Variants in EMILIN2 observed in about 807,000 individuals in gnomAD.
EMILIN2 encodes the protein elastin microfibril interfacer 2.
In EMILIN2, 71 loss-of-function variants were observed where a neutral mutation model predicts 87.1. The observed-to-expected ratio is 0.82, with a 90% CI of 0.67 to 0.99. The LOEUF (loss-of-function observed/expected upper bound fraction) is 0.99, where lower values mean the gene tolerates loss of function less well. Ranked by LOEUF, EMILIN2 falls within the 50% of genes least tolerant of loss-of-function variation. The pLI, the probability that EMILIN2 is intolerant of heterozygous loss-of-function variation, is 0.00. For synonymous variants in EMILIN2, 581 were observed against 563.4 expected (o/e 1.03, Z -0.44); for missense variants, 1,407 against 1,371.8 (o/e 1.03, Z -0.40).
intron 2 of EMILIN2, among the ~76,000 whole-genome samples, chr18:2,868,334 G>C (rs1285355330): frequency 6.6e-6 from 1 of 151,714 alleles, no homozygotes; most frequent in South Asian, 2.1e-4. Flanking sequence ...CAGGCAGAGG[G>C]GCTCCTCACA....
rs764870522 is a variant in EMILIN2 at position 2,847,038 on chromosome 18, G to A, written c.-151G>A. ...GAAGTAGGAACGAGAAGCCGGAGGG[G>A]GCGGCCGCGGAGCACTGGTTGGAGC... On this transcript the variant is annotated 5_prime_UTR_variant, in exon 1 of 8. Coordinates refer to ENST00000254528, the MANE Select transcript of EMILIN2 (RefSeq NM_032048.3). The surrounding 1 kb of genome is among the most constrained non-coding windows in gnomAD (Gnocchi z 4.5). The A allele has an allele frequency of 2.6e-5, 28 of 1,057,768 alleles. No individual in the cohort carries two copies. The highest frequency in any genetic ancestry group is 2.8e-5 in the Non-Finnish European group (24 of 871,214). 65.5% of individuals were successfully genotyped at this position (1,057,768 alleles called of 1,614,324 possible).
intron 2 of EMILIN2, among the ~76,000 whole-genome samples, chr18:2,857,896 G>T (rs748824445): frequency 6.6e-6 from 1 of 152,148 alleles, no homozygotes; most frequent in Non-Finnish European, 1.5e-5. Context: ...TGGGCAATGC[G>T]CCCTTTCCCA....
intron 2 of EMILIN2, among the ~76,000 whole-genome samples, chr18:2,854,487 A>AACACAC (rs141620167): frequency 0.012 from 1,876 of 151,786 alleles, 40 homozygotes; most frequent in African/African-American, 0.043. Context: ...TGTGGCTTAA[A>AACACAC]ACACACACAC....
intron 2 of EMILIN2, among the ~76,000 whole-genome samples, chr18:2,853,428 T>C (rs1429602610): frequency 1.3e-5 from 2 of 151,870 alleles, no homozygotes; most frequent in Non-Finnish European, 2.9e-5. Flanking sequence ...CATGGGCTGG[T>C]TTTAGGGACA....
At chr18:2,878,942 G>C (rs933884212) in intron 2 of EMILIN2, among the ~76,000 whole-genome samples, 45 of 152,278 alleles carry the variant, frequency 3.0e-4, no homozygotes, top group African/African-American at 1.0e-3. Flanking sequence ...AACGGGTTTT[G>C]GTTCTGTGCA....
chr18:2,904,008 G>A (rs553527783), intron 4 of EMILIN2, among the ~76,000 whole-genome samples: 2 of 152,316 alleles, frequency 1.3e-5, no homozygotes, highest in South Asian at 2.1e-4. Context: ...GAAAGGGTGC[G>A]TGAGAGATGG....
chr18:2,894,787 C>G lies in EMILIN2; in HGVS notation c.2359+2301C>G, dbSNP rs1336739597. ...CAGAGCCTCCTCTGCCCTTGTCTAG[C>G]ATCCAGGTCTAGGAGACCTGGAACC... On this transcript the variant is annotated intron_variant, in intron 4 of 7. Transcript: ENST00000254528. The surrounding 1 kb of genome is among the most constrained non-coding windows in gnomAD (Gnocchi z 5.0). Among the ~76,000 whole-genome samples, 1 of 152,186 alleles carries G rather than the reference C, an allele frequency of 6.6e-6. No individual in the cohort carries two copies. The highest frequency in any genetic ancestry group is 2.4e-5 in the African/African-American group (1 of 41,454).
In EMILIN2 at chr18:2,913,276, G is replaced by A. The variant is rs142429849; in HGVS notation, c.3034G>A (p.Val1012Met). 41 of 1,613,494 alleles carry A rather than the reference G, an allele frequency of 2.5e-5. 1 individual carries two copies. The highest frequency in any genetic ancestry group is 4.4e-5 in the South Asian group (4 of 91,066). ...CGGPGAFHLI[V>M]HLKAGDAVNV... is the part of the protein sequence containing the mutation. The stretch of plus-strand genomic sequence containing the variant: ...GGGCCCGGGGGCATTCCACCTCATC[G>A]TGCACCTGAAGGCGGGAGATGCAGT... Residue 1012 changes from valine to methionine, a missense_variant, in exon 8 of 8, where the codon GTG (valine) becomes ATG (methionine). Transcript: ENST00000254528.
intron 4 of EMILIN2, among the ~76,000 whole-genome samples, chr18:2,893,496 T>A (rs1277814933): frequency 6.6e-6 from 1 of 152,200 alleles, no homozygotes; most frequent in Non-Finnish European, 1.5e-5. Context: ...CCTTAGGCAC[T>A]CAACAAATGT....
chr18:2,855,227 C>G (rs116053804), intron 2 of EMILIN2, among the ~76,000 whole-genome samples: 229 of 152,378 alleles, frequency 1.5e-3, no homozygotes, highest in African/African-American at 5.5e-3. Flanking sequence ...TCTTATTTCT[C>G]TTGTTCCTGT....
chr18:2,909,428 C>T (rs1194374090), intron 6 of EMILIN2, among the ~76,000 whole-genome samples: 2 of 152,240 alleles, frequency 1.3e-5, no homozygotes. Context: ...ACATGCTCAT[C>T]TCATATGCTT....
intron 4 of EMILIN2, among the ~76,000 whole-genome samples, chr18:2,905,783 GTTT>G (rs35765300): frequency 1.3e-4 from 7 of 51,872 alleles, no homozygotes; most frequent in Admixed American, 5.5e-4. Context: ...TTGTTTTTTT[GTTT>G]TTTTTTTTTG....
At chr18:2,888,730 A>AAG (rs201410109) in intron 3 of EMILIN2, among the ~76,000 whole-genome samples, 24 of 149,090 alleles carry the variant, frequency 1.6e-4, no homozygotes, top group African/African-American at 4.0e-4. Flanking sequence ...AAAAAAAAAA[A>AAG]AGAGAGAGAG....
intron 2 of EMILIN2, among the ~76,000 whole-genome samples, chr18:2,867,169 G>C (rs993450638): frequency 6.6e-6 from 1 of 151,986 alleles, no homozygotes; most frequent in Admixed American, 6.6e-5. Flanking sequence ...TTTTTGTTAG[G>C]TCGTTTCCTG....
chr18:2,849,139 C>A (rs998940247), intron 2 of EMILIN2, among the ~76,000 whole-genome samples: 1 of 152,198 alleles, frequency 6.6e-6, no homozygotes, highest in African/African-American at 2.4e-5. Flanking sequence ...AGATAAGGTA[C>A]TGTCATCCAA....
chr18:2,906,371 G>T (rs1012641343), intron 4 of EMILIN2: 1 of 156,726 alleles, frequency 6.4e-6, no homozygotes, highest in African/African-American at 2.4e-5. Flanking sequence ...CCGCGGGAGA[G>T]GCCGTGGGGC....
intron 4 of EMILIN2, among the ~76,000 whole-genome samples, chr18:2,905,607 C>T (rs144612626): frequency 6.6e-6 from 1 of 151,798 alleles, no homozygotes; most frequent in Non-Finnish European, 1.5e-5. Flanking sequence ...TATTTTTGAA[C>T]CCATCAACCA....
intron 4 of EMILIN2, among the ~76,000 whole-genome samples, chr18:2,901,010 G>A (rs920596207): frequency 6.6e-6 from 1 of 152,122 alleles, no homozygotes; most frequent in African/African-American, 2.4e-5. Context: ...CTTAACATTT[G>A]CACAGTGTTT....
intron 2 of EMILIN2, among the ~76,000 whole-genome samples, chr18:2,862,577 A>C (rs975432753): frequency 1.3e-5 from 2 of 152,186 alleles, no homozygotes; most frequent in African/African-American, 4.8e-5. Flanking sequence ...AGCCCACTTG[A>C]TCATGGTGGA....
Sources: allele counts gnomAD v4.1 joint callset (sites outside exome capture counted in the v4.1 genomes callset), GRCh38; gene constraint gnomAD v4.1.1; non-coding constraint Gnocchi (gnomAD v3.1); transcripts MANE v1.5; gene names NCBI Gene and HGNC (gene_info 2026-07-23, HGNC 2026-07-21).